Variants in EYA3 observed in about 807,000 individuals in gnomAD.
EYA3 encodes EYA transcriptional coactivator and phosphatase 3, also known as protein phosphatase EYA3.
In EYA3, 39 loss-of-function variants were observed where a neutral mutation model predicts 80.0. The ratio of observed to expected loss-of-function variants is 0.49; its 90% CI spans 0.38 to 0.64. The LOEUF (loss-of-function observed/expected upper bound fraction) is 0.64. Among genes scored for constraint, EYA3 ranks in the 30% least tolerant of loss-of-function variants. The probability of loss-of-function intolerance (pLI) is 0.00; values close to 1 mark genes in which losing one functional copy is unlikely to be tolerated. For missense variants in EYA3, 523 were observed against 676.1 expected (o/e 0.77, Z 2.51); for synonymous variants, 206 against 232.8 (o/e 0.88, Z 1.05).
At position 27,974,301 on chromosome 1, in the gene EYA3, G is replaced by A. The variant is rs529690475; in HGVS notation, c.*165C>T. 15 of 474,600 alleles carry A rather than the reference G, an allele frequency of 3.2e-5. No homozygotes were observed. The highest frequency in any genetic ancestry group is 2.6e-4 in the South Asian group (9 of 34,314). The allele number at this position is 474,600 out of a possible 1,614,324, so 29.4% of individuals were successfully genotyped here. A position where few individuals can be genotyped will look rare whatever the true frequency, so the allele number is the denominator to read the frequency against. ...AGAGAGGCAGAGAGGGAGGGAGAGAGGAAGGGAGGGAGGGAGAGAGGGAGA... is the reference window on the plus strand; with the variant it reads ...AGAGAGGCAGAGAGGGAGGGAGAGAAGAAGGGAGGGAGGGAGAGAGGGAGA... On this transcript the variant is annotated 3_prime_UTR_variant, in exon 18 of 18. Coordinates refer to ENST00000373871, the MANE Select transcript of EYA3 (RefSeq NM_001990.4).
At chr1:27,999,202 C>T (rs1640661641) in intron 12 of EYA3, among the ~76,000 whole-genome samples, 1 of 152,222 alleles carries the variant, frequency 6.6e-6, no homozygotes, top group Non-Finnish European at 1.5e-5. Flanking sequence ...GTCCTGGCAA[C>T]TCATCCCTCT....
intron 13 of EYA3, among the ~76,000 whole-genome samples, chr1:27,994,530 T>C (rs1640296031): frequency 1.3e-5 from 2 of 151,854 alleles, no homozygotes; most frequent in African/African-American, 4.8e-5. Flanking sequence ...TTACAAAAAA[T>C]ACAAAAATTA....
intron 1 of EYA3, among the ~76,000 whole-genome samples, chr1:28,086,541 T>C (rs1645660860): frequency 6.6e-6 from 1 of 152,236 alleles, no homozygotes; most frequent in African/African-American, 2.4e-5. Flanking sequence ...CTAGTGACAA[T>C]GGTATATAAT....
chr1:28,021,975 T>C (rs1642467925), intron 7 of EYA3, among the ~76,000 whole-genome samples: 1 of 152,056 alleles, frequency 6.6e-6, no homozygotes, highest in Non-Finnish European at 1.5e-5. Context: ...GTGACTAATA[T>C]AACTGACAAT....
At chr1:28,040,863 G>T (rs548440555) in intron 4 of EYA3, among the ~76,000 whole-genome samples, 1 of 148,280 alleles carries the variant, frequency 6.7e-6, no homozygotes, top group Non-Finnish European at 1.5e-5. Context: ...GCAGGGGGGG[G>T]TCGGGGGAGC....
At chr1:27,995,165 G>A (rs753935471) in intron 13 of EYA3, among the ~76,000 whole-genome samples, 21 of 151,810 alleles carry the variant, frequency 1.4e-4, no homozygotes, top group Non-Finnish European at 2.8e-4. Flanking sequence ...AGCACTTTGG[G>A]AGGCCAATGA....
chr1:27,977,582 G>A (rs755730400), intron 17 of EYA3, among the ~76,000 whole-genome samples: 9 of 151,450 alleles, frequency 5.9e-5, no homozygotes, highest in Admixed American at 1.3e-4. Flanking sequence ...CAGGCGTGGT[G>A]GCTCAAACCT....
Position 28,035,669 on chromosome 1 carries a change from T to C in EYA3, c.236A>G (p.His79Arg). 1 of 1,613,862 alleles carries C rather than the reference T, an allele frequency of 6.2e-7. No homozygotes were observed. The highest frequency in any genetic ancestry group is 8.5e-7 in the Non-Finnish European group (1 of 1,179,948). ...SQMYSAKPYA[H>R]ILSVPVSETA... Reference sequence around the variant, plus strand: ...TTCCGAAACAGGAACTGAGAGAATATGTGCATAAGGTCTGGAAAATTTCAT... The same window carrying C: ...TTCCGAAACAGGAACTGAGAGAATACGTGCATAAGGTCTGGAAAATTTCAT... The change falls in exon 6 of 18, where the codon CAT becomes CGT. Residue 79 changes from histidine (H) to arginine (R), a missense_variant. Coordinates refer to ENST00000373871, the MANE Select transcript of EYA3 (RefSeq NM_001990.4).
intron 1 of EYA3, among the ~76,000 whole-genome samples, chr1:28,074,432 A>G (rs1286426499): frequency 6.6e-6 from 1 of 152,094 alleles, no homozygotes; most frequent in Non-Finnish European, 1.5e-5. Context: ...GTTAGGGCAA[A>G]CCAAGTGGAC....
Position 27,988,411 on chromosome 1 carries a change from G to A in EYA3, c.1540+124C>T, listed in dbSNP as rs147011800. On this transcript the variant is annotated intron_variant, in intron 16 of 17. Coordinates refer to ENST00000373871, the MANE Select transcript of EYA3 (RefSeq NM_001990.4). ...GCATTACTGAAAATATTAGAAGACT[G>A]TTGTGAGGACTGTAGGTATTACAAA... 1,098 of 1,072,118 alleles carry A rather than the reference G, an allele frequency of 1.0e-3. 15 individuals carry two copies. In the African/African-American group the frequency reaches 0.016, roughly 15 times the overall value. The allele number at this position is 1,072,118 out of a possible 1,614,324, so 66.4% of individuals were successfully genotyped here. A position where few individuals can be genotyped will look rare whatever the true frequency, so the allele number is the denominator to read the frequency against.
intron 1 of EYA3, among the ~76,000 whole-genome samples, chr1:28,071,157 C>T (rs1218574430): frequency 1.3e-5 from 2 of 152,176 alleles, no homozygotes; most frequent in African/African-American, 2.4e-5. Context: ...TTCCTGACCT[C>T]AAGTGATCTG....
intron 4 of EYA3, among the ~76,000 whole-genome samples, chr1:28,040,617 G>T (rs1643719705): frequency 6.6e-6 from 1 of 152,226 alleles, no homozygotes; most frequent in Non-Finnish European, 1.5e-5. Context: ...GAAAAGTACT[G>T]AGAGGGAGAA....
chr1:28,059,502 C>T lies in EYA3; in HGVS notation c.-68-1408G>A, dbSNP rs1205836488. Among the ~76,000 whole-genome samples the T allele has an allele frequency of 4.6e-5, 7 of 152,172 alleles. 1 individual carries two copies. Among genetic ancestry groups the T allele is most frequent in the Non-Finnish European group, 1.0e-4 (7 of 68,022 alleles). ...ACAACACAGTCAATGTGACCTAAAA[C>T]TGATTCACAGCTATGAAAGATCAAA... On this transcript the variant is annotated intron_variant, in intron 1 of 17. Transcript: ENST00000373871.
intron 6 of EYA3, among the ~76,000 whole-genome samples, chr1:28,031,403 C>G (rs754211949): frequency 2.0e-5 from 3 of 152,176 alleles, no homozygotes; most frequent in Non-Finnish European, 4.4e-5. Context: ...CTGCTCTATG[C>G]CAACAACTAC....
At chr1:28,002,895 C>A (rs1368581688) in intron 11 of EYA3, among the ~76,000 whole-genome samples, 1 of 151,622 alleles carries the variant, frequency 6.6e-6, no homozygotes, top group African/African-American at 2.4e-5. Context: ...CCGAGGCAGG[C>A]GGATCACTTG....
chr1:28,003,719 A>G (rs1233233136), intron 11 of EYA3, among the ~76,000 whole-genome samples: 1 of 152,088 alleles, frequency 6.6e-6, no homozygotes, highest in African/African-American at 2.4e-5. Flanking sequence ...GGGTGCAGAT[A>G]TTTGTATAAA....
intron 1 of EYA3, among the ~76,000 whole-genome samples, chr1:28,069,122 A>C (rs1644933325): frequency 6.6e-6 from 1 of 151,776 alleles, no homozygotes; most frequent in African/African-American, 2.4e-5. Context: ...TGTTAATTAA[A>C]CAGGTAATTT....
At chr1:27,990,839 C>T (rs574960730) in intron 14 of EYA3, among the ~76,000 whole-genome samples, 69 of 151,796 alleles carry the variant, frequency 4.5e-4, no homozygotes, top group Admixed American at 4.5e-3. Flanking sequence ...GTGTGAGCCA[C>T]CGTGCCTGGC....
rs190512860 is a variant in EYA3, at chr1:27,981,008, A to G, written c.1541-2534T>C. Among the ~76,000 whole-genome samples, 299 of 152,264 alleles carry G rather than the reference A, an allele frequency of 2.0e-3. 2 individuals carry two copies. Among genetic ancestry groups the G allele is most frequent in the African/African-American group, 7.0e-3 (290 of 41,542 alleles). ...CAATGGGCTATAATCGTGCCACTGC[A>G]CTCCAGCCTAGGTACCAGAGTGAGA... On this transcript the variant is annotated intron_variant, in intron 16 of 17. Transcript: ENST00000373871.
Sources: gnomAD v4.1 joint callset for allele counts (sites outside exome capture counted in the v4.1 genomes callset) on GRCh38, gnomAD v4.1.1 for gene constraint, MANE v1.5 for transcripts, NCBI Gene and HGNC (gene_info 2026-07-23, HGNC 2026-07-21) for gene names.